The following PARD3 variants were observed in gnomAD, a reference collection of about 807,000 sequenced individuals.
PARD3 encodes the protein partitioning defective 3 homolog.
In PARD3, 75 loss-of-function variants were observed where a neutral mutation model predicts 155.4. That is an observed-to-expected ratio of 0.48 (90% CI 0.40 to 0.58). The LOEUF (loss-of-function observed/expected upper bound fraction) is 0.58. Ranked by LOEUF, PARD3 falls within the 20% of genes least tolerant of loss-of-function variation. The probability of loss-of-function intolerance (pLI) is 0.00; values close to 1 mark genes in which losing one functional copy is unlikely to be tolerated. For synonymous variants in PARD3, 576 were observed against 610.5 expected, an observed-to-expected ratio of 0.94 and a Z score of 0.83; for missense variants, 1,642 against 1,721.7, an observed-to-expected ratio of 0.95 and a Z score of 0.82.
intron 22 of PARD3, among the ~76,000 whole-genome samples, chr10:34,162,453 C>G (rs11009661): frequency 6.6e-6 from 1 of 152,300 alleles, no homozygotes; most frequent in East Asian, 1.9e-4. Context: ...GAACCTGGAA[C>G]TAGCTGAGTG....
chr10:34,722,003 T>G (rs1186678073), intron 1 of PARD3, among the ~76,000 whole-genome samples: 2 of 151,762 alleles, frequency 1.3e-5, no homozygotes, highest in Non-Finnish European at 2.9e-5. Flanking sequence ...CATGGTGAGA[T>G]CCCATCTCTA....
At chr10:34,597,203 T>C (rs1463257115) in intron 2 of PARD3, among the ~76,000 whole-genome samples, 2 of 152,122 alleles carry the variant, frequency 1.3e-5, no homozygotes, top group Non-Finnish European at 2.9e-5. Flanking sequence ...AGGACCGGCA[T>C]GGCAGCTGCT....
intron 5 of PARD3, among the ~76,000 whole-genome samples, chr10:34,431,122 T>G (rs182859122): frequency 6.6e-6 from 1 of 152,334 alleles, no homozygotes; most frequent in African/African-American, 2.4e-5. Flanking sequence ...AGTAGCTTAC[T>G]CCAGATTGCA....
At chr10:34,384,001 T>G (rs1842107215) in intron 8 of PARD3, 128 bp downstream of exon 8, 1 of 873,024 alleles carries the variant, frequency 1.1e-6, no homozygotes, top group South Asian at 2.1e-5. Context: ...TTTTAAAAGC[T>G]AATGGCAGAA....
At position 34,744,104 on chromosome 10, in the gene PARD3, G is replaced by A. The variant is rs186269463; in HGVS notation, c.121-47685C>T. On this transcript the variant is annotated intron_variant, in intron 1 of 24. Coordinates refer to ENST00000374788, the MANE Select transcript of PARD3 (RefSeq NM_001184785.2). ...GCAAAAATCTCAGCTGTGCCAACTA[G>A]ACCAGTCACCACGCTCCTCACCGCC... Among the ~76,000 whole-genome samples the A allele has an allele frequency of 2.6e-5, 4 of 152,284 alleles. No individual in the cohort carries two copies. The East Asian group carries it at 5.8e-4, about 22-fold the overall frequency.
intron 1 of PARD3, among the ~76,000 whole-genome samples, chr10:34,773,380 T>A (rs983730788): frequency 1.3e-5 from 2 of 152,224 alleles, no homozygotes; most frequent in East Asian, 3.8e-4. Flanking sequence ...ACCATTTTCC[T>A]CTTGTTGAAC....
In PARD3 at chr10:34,773,319, G is replaced by A. The variant is rs183129627; in HGVS notation, c.120+41557C>T. On this transcript the variant is annotated intron_variant, in intron 1 of 24. Transcript: ENST00000374788. ...GCCTAGTACAAGCATGTTTCATTCT[G>A]CTATATAGACTCTATGTTGTTTCTT... Among the ~76,000 whole-genome samples the A allele has an allele frequency of 8.8e-3, 1,336 of 152,186 alleles. 11 individuals carry two copies. Among genetic ancestry groups the A allele is most frequent in the Non-Finnish European group, 0.011 (781 of 67,998 alleles).
At position 34,470,216 on chromosome 10, in the gene PARD3, G is replaced by T. The variant is rs770034481; in HGVS notation, c.451C>A (p.Leu151Ile). The T allele has an allele frequency of 6.2e-7, 1 of 1,612,610 alleles. No homozygotes were observed. The highest frequency in any genetic ancestry group is 8.5e-7 in the Non-Finnish European group (1 of 1,179,290). ...TTACTATCACTGACAGAAGTGGAGA[G>T]GCCAATTAGAGCTGGGTCACTACTG... ...RRSSDPALIG[L>I]STSVSDSNFS... Residue 151 changes from leucine to isoleucine, a missense_variant, in exon 4 of 25, where the codon CTC (leucine) becomes ATC (isoleucine). Leu to Ile is a conservative substitution (Grantham distance 5, BLOSUM62 2). This residue lies in a region of PARD3 where 1,529 missense variants were observed against 1,587.3 expected (regional missense o/e 0.96). Coordinates refer to ENST00000374788, the MANE Select transcript of PARD3 (RefSeq NM_001184785.2).
chr10:34,575,893 T>C (rs2086847083), intron 2 of PARD3, among the ~76,000 whole-genome samples: 1 of 151,756 alleles, frequency 6.6e-6, no homozygotes, highest in African/African-American at 2.4e-5. Flanking sequence ...TGAAACTCCG[T>C]CTCAAAAAAA....
chr10:34,243,466 G>A (rs1428096265), intron 22 of PARD3, among the ~76,000 whole-genome samples: 1 of 152,132 alleles, frequency 6.6e-6, no homozygotes, highest in Non-Finnish European at 1.5e-5. Flanking sequence ...TTTATGATGT[G>A]CTAAAACGAA....
intron 22 of PARD3, among the ~76,000 whole-genome samples, chr10:34,211,544 G>A (rs891447036): frequency 3.9e-5 from 6 of 152,210 alleles, no homozygotes; most frequent in African/African-American, 1.2e-4. Context: ...AACTTTGGGA[G>A]GCCGAGGCAG....
intron 2 of PARD3, among the ~76,000 whole-genome samples, chr10:34,691,812 C>G (rs2094067666): frequency 6.6e-6 from 1 of 151,860 alleles, no homozygotes. Context: ...TCTATCTGAT[C>G]TTTGACAAAG....
chr10:34,399,480 C>A (rs1843672312), intron 6 of PARD3, 67 bp from the exon 7 acceptor site: 1 of 1,040,142 alleles, frequency 9.6e-7, no homozygotes. Flanking sequence ...CAAAACAAAA[C>A]AAAACAAAAA....
chr10:34,544,982 GAGTTCGTGC>G (rs1263028548), intron 2 of PARD3, among the ~76,000 whole-genome samples: 1 of 152,122 alleles, frequency 6.6e-6, no homozygotes, highest in African/African-American at 2.4e-5. Flanking sequence ...TACCTGTATT[GAGTTCGTGC>G]ACTCAATAAA....
chr10:34,198,009 G>A (rs1382814677), intron 22 of PARD3, among the ~76,000 whole-genome samples: 1 of 152,204 alleles, frequency 6.6e-6, no homozygotes, highest in Non-Finnish European at 1.5e-5. Flanking sequence ...ATGCAGGCAT[G>A]AGCCACCGCG....
At chr10:34,344,989 T>C in intron 15 of PARD3, 1 of 985,396 alleles carries the variant, frequency 1.0e-6, no homozygotes. Flanking sequence ...ATTTAACGTC[T>C]TTGATTTTTT....
At chr10:34,807,195 C>A (rs1481900816) in intron 1 of PARD3, among the ~76,000 whole-genome samples, 3 of 152,258 alleles carry the variant, frequency 2.0e-5, no homozygotes, top group South Asian at 4.1e-4. Flanking sequence ...ATTGGACAGG[C>A]CTGAGAAAGC....
At position 34,317,358 on chromosome 10, in the gene PARD3, A is replaced by T. The variant is rs757081771; in HGVS notation, c.2834-20T>A. On this transcript the variant is annotated intron_variant, in intron 19 of 24. Coordinates refer to ENST00000374788, the MANE Select transcript of PARD3 (RefSeq NM_001184785.2). Reference sequence around the variant, plus strand: ...CTTCCACTTGGAAGGAAAGAAAAAAAAATAGGGACACAGTGAACCAACGCA... The same window carrying T: ...CTTCCACTTGGAAGGAAAGAAAAAATAATAGGGACACAGTGAACCAACGCA... 12 of 1,580,342 alleles carry T rather than the reference A, an allele frequency of 7.6e-6. No homozygotes were observed. The highest frequency in any genetic ancestry group is 1.9e-5 in the Admixed American group (1 of 52,748).
In PARD3 at chr10:34,359,212, T is replaced by C; in HGVS notation, c.2002A>G (p.Thr668Ala). ...ATCATTCCTCGTTTATTGCCTTCAG[T>C]AGACATAGACCTTCTTAGGGTTTCC... ...AMETLRRSMS[T>A]EGNKRGMIQL... Residue 668 changes from threonine to alanine, a missense_variant, in exon 14 of 25, where the codon ACT becomes GCT. Thr to Ala is a moderately conservative substitution (Grantham distance 58). Transcript: ENST00000374788. 1 of 1,613,924 alleles carries C rather than the reference T, an allele frequency of 6.2e-7. No homozygotes were observed. The highest frequency in any genetic ancestry group is 2.2e-5 in the East Asian group (1 of 44,866).
Sources: allele counts gnomAD v4.1 joint callset (sites outside exome capture counted in the v4.1 genomes callset), GRCh38; gene constraint gnomAD v4.1.1; regional missense constraint gnomAD v4.1.1; transcripts MANE v1.5; gene names NCBI Gene and HGNC (gene_info 2026-07-23, HGNC 2026-07-21).